The following BIN2 variants were observed in gnomAD, a reference collection of about 807,000 sequenced individuals.
The protein encoded by BIN2 is bridging integrator 2.
A neutral mutation model predicts 67.9 loss-of-function variants in BIN2; 43 were observed. That is an observed-to-expected ratio of 0.63 (90% CI 0.50 to 0.82). The LOEUF (loss-of-function observed/expected upper bound fraction) is 0.82, where lower values mean the gene tolerates loss of function less well. Ranked by LOEUF, BIN2 falls within the 40% of genes least tolerant of loss-of-function variation. BIN2 has a pLI of 0.00. For synonymous variants in BIN2, 244 were observed against 246.8 expected (o/e 0.99, Z 0.11); for missense variants, 581 against 671.6 (o/e 0.87, Z 1.49).
intron 6 of BIN2, 91 bp from the exon 7 acceptor site, chr12:51,299,379 T>C: frequency 1.6e-6 from 2 of 1,255,996 alleles, no homozygotes; most frequent in African/African-American, 3.0e-5. Flanking sequence ...TTTTAGGCAC[T>C]AGGCTTTTTA....
chr12:51,295,636 T>G (rs1249290086), intron 9 of BIN2, among the ~76,000 whole-genome samples, 160 bp downstream of exon 9: 13 of 111,376 alleles, frequency 1.2e-4, no homozygotes, highest in Admixed American at 2.9e-4. Context: ...ATATATTTAG[T>G]AAAAAGCAAA....
chr12:51,324,145 G>C lies in BIN2; in HGVS notation c.-43C>G. The C allele has an allele frequency of 1.2e-6, 2 of 1,607,260 alleles. No individual in the cohort carries two copies. The highest frequency in any genetic ancestry group is 1.7e-6 in the Non-Finnish European group (2 of 1,177,006). On this transcript the variant is annotated 5_prime_UTR_variant, in exon 1 of 13. Coordinates refer to ENST00000615107, the MANE Select transcript of BIN2 (RefSeq NM_016293.4). ...GGCCGCCGCCCTGGCCCCGCGCCCT[G>C]TGGTTTTCTGAGGCCCCCGAGGAGG...
At chr12:51,311,774 T>G (rs1195127571) in intron 2 of BIN2, among the ~76,000 whole-genome samples, 5 of 150,584 alleles carry the variant, frequency 3.3e-5, no homozygotes, top group Non-Finnish European at 7.4e-5. Context: ...TGATAATGAA[T>G]TTTTTTTTTC....
At position 51,291,797 on chromosome 12, in the gene BIN2, G is replaced by A. The variant is rs1945387625; in HGVS notation, c.1309C>T (p.Pro437Ser). The A allele has an allele frequency of 1.9e-6, 3 of 1,613,792 alleles. No homozygotes were observed. Among genetic ancestry groups the A allele is most frequent in the South Asian group, 1.1e-5 (1 of 91,088 alleles). ...GGTGAACCCCCTCCAGAGGCTGTAGGGCTGGAAGGTATGTTCCCTGAGGAG... is the reference window on the plus strand; with the variant it reads ...GGTGAACCCCCTCCAGAGGCTGTAGAGCTGGAAGGTATGTTCCCTGAGGAG... ...RPSSGNIPSSPTASGGGSPTS... is the reference protein window; with the variant it reads ...RPSSGNIPSSSTASGGGSPTS... The change falls in exon 10 of 13, where the codon CCT becomes TCT. Residue 437 changes from proline (P) to serine (S), a missense_variant. Transcript: ENST00000615107.
chr12:51,323,668 G>T lies in BIN2; in HGVS notation c.81+354C>A, dbSNP rs146973114. The stretch of plus-strand genomic sequence containing the variant: ...TCATCATCTGTAAAATACCAATTTT[G>T]GATTGCTAGCACAAAATTTGATACA... On this transcript the variant is annotated intron_variant, in intron 1 of 12. Coordinates refer to ENST00000615107, the MANE Select transcript of BIN2 (RefSeq NM_016293.4). Among the ~76,000 whole-genome samples, 309 of 152,294 alleles carry T rather than the reference G, an allele frequency of 2.0e-3. 1 individual carries two copies. Among genetic ancestry groups the T allele is most frequent in the African/African-American group, 6.6e-3 (274 of 41,560 alleles).
rs781087230 is a variant in BIN2, at chr12:51,295,810, C to T, written c.747G>A (p.Val249=). 5 of 1,613,178 alleles carry T rather than the reference C, an allele frequency of 3.1e-6. No individual in the cohort carries two copies. Among genetic ancestry groups the T allele is most frequent in the South Asian group, 2.2e-5 (2 of 91,040 alleles). ...EKQHSNKVFV[V]KGLSSSSRRS... is the part of the protein sequence containing the mutation. ...ATGCTGCTCACCTTGACAGTCCCTT[C>T]ACCACAAAGACTTTATTGGAATGTT... is the stretch of plus-strand genomic sequence containing the variant. The change falls in exon 9 of 13, where the codon GTG becomes GTA. Residue 249 remains valine, a synonymous_variant. Transcript: ENST00000615107.
upstream of BIN2, chr12:51,324,441 G>T: frequency 1.4e-6 from 2 of 1,477,672 alleles, no homozygotes; most frequent in Non-Finnish European, 1.8e-6. Flanking sequence ...TTCCCATCAC[G>T]CTGAGCACTG....
Position 51,297,175 on chromosome 12 carries a change from GC to G in BIN2, c.603-12del, listed in dbSNP as rs1471435293. The G allele has an allele frequency of 2.5e-6, 4 of 1,610,298 alleles. No homozygotes were observed. The Admixed American group carries it at 6.7e-5, about 27-fold the overall frequency. On this transcript the variant is annotated splice_polypyrimidine_tract_variant and intron_variant, in intron 7 of 12. Coordinates refer to ENST00000615107, the MANE Select transcript of BIN2 (RefSeq NM_016293.4). ...TAGCAGCCAATACGACTATTAGGAAGCAAAACCACAAACACATACGAGTAAG... is the reference window on the plus strand; with the variant it reads ...TAGCAGCCAATACGACTATTAGGAAGAAAACCACAAACACATACGAGTAAG...
chr12:51,281,811 G>A (rs1440525120), intron 12 of BIN2, among the ~76,000 whole-genome samples: 1 of 151,980 alleles, frequency 6.6e-6, no homozygotes, highest in Non-Finnish European at 1.5e-5. Context: ...CTGGAGTGTA[G>A]TGGCACAATC....
chr12:51,299,846 TTG>T, intron 5 of BIN2, 132 bp from the exon 6 acceptor site: 1 of 783,720 alleles, frequency 1.3e-6, no homozygotes, highest in Non-Finnish European at 2.1e-6. Flanking sequence ...TTTTTTGCTT[TTG>T]TTTTTTTTGA....
chr12:51,294,592 C>T (rs950657405), intron 9 of BIN2, among the ~76,000 whole-genome samples: 6 of 151,664 alleles, frequency 4.0e-5, no homozygotes, highest in African/African-American at 1.5e-4. Flanking sequence ...AAAAAAAACC[C>T]CCCAAAAACA....
At chr12:51,287,374 C>T (rs1346357167) in intron 11 of BIN2, among the ~76,000 whole-genome samples, 1 of 151,846 alleles carries the variant, frequency 6.6e-6, no homozygotes, top group Non-Finnish European at 1.5e-5. Context: ...CTCTTGTTGC[C>T]CAGGCTGGAA....
chr12:51,292,070 C>T lies in BIN2; in HGVS notation c.1036G>A (p.Ala346Thr), dbSNP rs759882503. 1.2e-6 allele frequency: 2 copies of T among 1,614,098 alleles called. No homozygotes were observed. Among genetic ancestry groups the T allele is most frequent in the South Asian group, 1.1e-5 (1 of 91,080 alleles). The change falls in exon 10 of 13, where the codon GCC (alanine) becomes ACC (threonine). Residue 346 changes from alanine to threonine, a missense_variant. Physicochemically the swap from Ala to Thr is moderately conservative, Grantham distance 58. Transcript: ENST00000615107. ...CTTTCAGTGGTAGGAGAGGGCTGGG[C>T]CTGGGCGGGGCCATTGCAGGCTGGT... ...PLPACNGPAQ[A>T]QPSPTTERAK...
intron 1 of BIN2, among the ~76,000 whole-genome samples, chr12:51,315,470 C>A (rs1283019231): frequency 6.6e-6 from 1 of 152,146 alleles, no homozygotes; most frequent in Non-Finnish European, 1.5e-5. Flanking sequence ...CTGCGCCCGG[C>A]CTGTTATTAA....
chr12:51,295,633 T>A (rs1945545228), intron 9 of BIN2, among the ~76,000 whole-genome samples, 163 bp downstream of exon 9: 3 of 117,390 alleles, frequency 2.6e-5, no homozygotes, highest in East Asian at 2.3e-4. Context: ...TATATATATT[T>A]AGTAAAAAGC....
intron 2 of BIN2, among the ~76,000 whole-genome samples, chr12:51,304,930 TG>T (rs1263063341): frequency 6.6e-6 from 1 of 151,884 alleles, no homozygotes; most frequent in Non-Finnish European, 1.5e-5. Flanking sequence ...GGCAGGAGAA[TG>T]GGCATGAACC....
chr12:51,292,123 G>GA lies in BIN2; in HGVS notation c.982_983insT (p.Ala328ValfsTer5). The GA allele has an allele frequency of 6.2e-7, 1 of 1,614,136 alleles. No individual in the cohort carries two copies. The highest frequency in any genetic ancestry group is 1.1e-5 in the South Asian group (1 of 91,076). ...AGGCTCATCTTCCTCAGAGGAGCTTGCTTCAGATCCTTCCTTCTCTATTTC... is the reference window on the plus strand; with the variant it reads ...AGGCTCATCTTCCTCAGAGGAGCTTGACTTCAGATCCTTCCTTCTCTATTTC... On this transcript the variant is annotated frameshift_variant, in exon 10 of 13. Transcript: ENST00000615107. LOFTEE classifies it high-confidence loss of function.
At chr12:51,285,817 A>G (rs4761990) in intron 11 of BIN2, among the ~76,000 whole-genome samples, 137,687 of 151,568 alleles carry the variant, frequency 0.91, 64,013 homozygotes, top group East Asian at 1. Flanking sequence ...TCACTATGTT[A>G]GCAAGGCTGG....
At position 51,291,873 on chromosome 12, in the gene BIN2, T is replaced by C. The variant is rs775916802; in HGVS notation, c.1233A>G (p.Ser411=). The change falls in exon 10 of 13, where the codon TCA becomes TCG. Residue 411 remains serine, a synonymous_variant. Coordinates refer to ENST00000615107, the MANE Select transcript of BIN2 (RefSeq NM_016293.4). Reference sequence around the variant, plus strand: ...GTGGAGGAGGCCTACTAGGGGGTGCTGAGGTCCTCTGGATAGAGGCTCTCT... The same window carrying C: ...GTGGAGGAGGCCTACTAGGGGGTGCCGAGGTCCTCTGGATAGAGGCTCTCT... The part of the protein sequence containing the change: ...PKKRASIQRT[S]APPSRPPPPR... 1.9e-6 allele frequency: 3 copies of C among 1,614,060 alleles called. No individual in the cohort carries two copies. The highest frequency in any genetic ancestry group is 2.5e-6 in the Non-Finnish European group (3 of 1,180,030).
Sources: gnomAD v4.1 joint callset for allele counts (sites outside exome capture counted in the v4.1 genomes callset) on GRCh38, gnomAD v4.1.1 for gene constraint, MANE v1.5 for transcripts, NCBI Gene and HGNC (gene_info 2026-07-23, HGNC 2026-07-21) for gene names.